Variants in UBE2K observed in about 807,000 individuals in gnomAD.
The protein encoded by UBE2K is ubiquitin-conjugating enzyme E2 K.
A neutral mutation model predicts 30.0 loss-of-function variants in UBE2K; 6 were observed. The observed-to-expected ratio is 0.20, with a 90% CI of 0.11 to 0.39. The LOEUF is 0.39. Ranked by LOEUF, UBE2K falls within the 10% of genes least tolerant of loss-of-function variation. The probability of loss-of-function intolerance (pLI) is 1.00; values close to 1 mark genes in which losing one functional copy is unlikely to be tolerated. For synonymous variants in UBE2K, 86 were observed against 83.7 expected (o/e 1.03, Z -0.15); for missense variants, 61 against 241.6 (o/e 0.25, Z 4.96).
rs1720916720 is a variant in UBE2K at position 39,745,020 on chromosome 4, A to G, written c.158-732A>G. On this transcript the variant is annotated intron_variant, in intron 2 of 6. Coordinates refer to ENST00000261427, the MANE Select transcript of UBE2K (RefSeq NM_005339.5). ...ATTTTGCTTAAAAAATAAAAAATAT[A>G]TTTAAAGTTTTTTATATTAAAATAG... Among the ~76,000 whole-genome samples, 3 of 151,858 alleles carry G rather than the reference A, an allele frequency of 2.0e-5. No individual in the cohort carries two copies. In the South Asian group the frequency reaches 6.2e-4, roughly 31 times the overall value.
chr4:39,724,002 G>A (rs1178239734), intron 1 of UBE2K, among the ~76,000 whole-genome samples: 2 of 151,752 alleles, frequency 1.3e-5, no homozygotes, highest in Non-Finnish European at 2.9e-5. Flanking sequence ...TAGTAGAGAT[G>A]GGATTTCACC....
At chr4:39,746,163 G>A (rs746190410) in intron 3 of UBE2K, among the ~76,000 whole-genome samples, 2 of 152,030 alleles carry the variant, frequency 1.3e-5, no homozygotes, top group African/African-American at 2.4e-5. Context: ...ATGTGTTTTA[G>A]GAGAGTACCT....
At chr4:39,718,521 C>T (rs909205174) in intron 1 of UBE2K, among the ~76,000 whole-genome samples, 2 of 152,248 alleles carry the variant, frequency 1.3e-5, no homozygotes, top group African/African-American at 4.8e-5. Context: ...CTGCACTCCT[C>T]AGCCCTTGGG....
intron 2 of UBE2K, among the ~76,000 whole-genome samples, chr4:39,744,147 G>A (rs1382152971): frequency 1.3e-5 from 2 of 152,120 alleles, no homozygotes; most frequent in Admixed American, 6.5e-5. Flanking sequence ...ACAGGCATGA[G>A]CCATTGCACG....
chr4:39,735,003 A>G (rs889557189), intron 1 of UBE2K, among the ~76,000 whole-genome samples: 1 of 152,158 alleles, frequency 6.6e-6, no homozygotes, highest in Non-Finnish European at 1.5e-5. Flanking sequence ...GGTTATTTAC[A>G]TACTACTTTT....
chr4:39,714,842 CT>C (rs1446966502), intron 1 of UBE2K, among the ~76,000 whole-genome samples: 3 of 151,358 alleles, frequency 2.0e-5, no homozygotes, highest in African/African-American at 7.3e-5. Flanking sequence ...AGCCACCGTG[CT>C]TGGCCCAGAA....
chr4:39,718,488 C>T (rs933156328), intron 1 of UBE2K, among the ~76,000 whole-genome samples: 6 of 152,246 alleles, frequency 3.9e-5, no homozygotes, highest in African/African-American at 1.4e-4. Flanking sequence ...GGTGGAGCTG[C>T]CCGCCAGTCC....
At chr4:39,749,885 C>T (rs1721166519) in intron 3 of UBE2K, among the ~76,000 whole-genome samples, 1 of 151,994 alleles carries the variant, frequency 6.6e-6, no homozygotes, top group African/African-American at 2.4e-5. Flanking sequence ...TGCTTTGAGA[C>T]CCTGTCTCAA....
chr4:39,744,407 C>T (rs1223195005), intron 2 of UBE2K, among the ~76,000 whole-genome samples: 6 of 141,424 alleles, frequency 4.2e-5, no homozygotes, highest in African/African-American at 1.6e-4. Context: ...CTCCTGACCT[C>T]GTGATCCACC....
intron 2 of UBE2K, 103 bp from the exon 3 acceptor site, chr4:39,745,649 A>T (rs533788456): frequency 6.9e-6 from 5 of 722,100 alleles, no homozygotes; most frequent in Middle Eastern, 7.7e-4. Context: ...ATGAATTTTT[A>T]TAATTGAATA....
At chr4:39,737,561 C>A in intron 2 of UBE2K, 48 bp downstream of exon 2, 1 of 1,191,320 alleles carries the variant, frequency 8.4e-7, no homozygotes, top group Non-Finnish European at 1.2e-6. Context: ...TAGAACTTGT[C>A]TGAAACATTT....
At chr4:39,770,196 A>G in intron 4 of UBE2K, 2 of 1,610,384 alleles carry the variant, frequency 1.2e-6, no homozygotes, top group Non-Finnish European at 1.7e-6. Flanking sequence ...GGCGAAGCGC[A>G]TGTCGCAGTA....
chr4:39,752,339 T>C (rs1461075989), intron 3 of UBE2K, among the ~76,000 whole-genome samples: 18 of 127,874 alleles, frequency 1.4e-4, no homozygotes, highest in African/African-American at 4.0e-4. Flanking sequence ...TTTTTTCTTT[T>C]TTTTTTTTTT....
intron 3 of UBE2K, among the ~76,000 whole-genome samples, chr4:39,751,876 A>G: frequency 6.6e-6 from 1 of 152,104 alleles, no homozygotes; most frequent in Non-Finnish European, 1.5e-5. Flanking sequence ...CTGAGGCGGG[A>G]GAGTCACTTC....
chr4:39,732,984 A>G lies in UBE2K; in HGVS notation c.64-4436A>G, dbSNP rs1395735655. On this transcript the variant is annotated intron_variant, in intron 1 of 6. Coordinates refer to ENST00000261427, the MANE Select transcript of UBE2K (RefSeq NM_005339.5). ...AAACATCCTGCCTGGCCTAGCTGCTATAGCTTTTATATATCTCTGTTCCTT... is the reference window on the plus strand; with the variant it reads ...AAACATCCTGCCTGGCCTAGCTGCTGTAGCTTTTATATATCTCTGTTCCTT... 2.0e-5 allele frequency among the ~76,000 whole-genome samples: 3 copies of G among 147,316 alleles called. No individual in the cohort carries two copies. The South Asian group carries it at 6.6e-4, about 32-fold the overall frequency.
At position 39,768,779 on chromosome 4, in the gene UBE2K, T is replaced by C. The variant is rs143651492; in HGVS notation, c.300-6055T>C. On this transcript the variant is annotated intron_variant, in intron 4 of 6. Transcript: ENST00000261427. ...CAGTGTGCGAGGGTTTCCTTTCCTT[T>C]ACATCATCACCAACACTTGTTCATT... Among the ~76,000 whole-genome samples, 238 of 152,318 alleles carry C rather than the reference T, an allele frequency of 1.6e-3. 1 individual carries two copies. Among genetic ancestry groups the C allele is most frequent in the African/African-American group, 5.5e-3 (228 of 41,582 alleles).
intron 1 of UBE2K, among the ~76,000 whole-genome samples, chr4:39,710,915 A>G (rs1434974087): frequency 1.3e-5 from 2 of 152,008 alleles, no homozygotes; most frequent in African/African-American, 4.8e-5. Context: ...AACTGCCTCT[A>G]CCCAAATACT....
rs899467207 is a variant in UBE2K, at chr4:39,781,190, T to C, written c.*2756T>C. On this transcript the variant is annotated 3_prime_UTR_variant, in exon 7 of 7. Coordinates refer to ENST00000261427, the MANE Select transcript of UBE2K (RefSeq NM_005339.5). ...AGGAACTAGGTACTGAATTAGGTGC[T>C]CTGAGTTGGCACCCCGAAATGTTTG... The C allele has an allele frequency of 1.3e-5, 2 of 152,148 alleles. No homozygotes were observed. The highest frequency in any genetic ancestry group is 2.9e-5 in the Non-Finnish European group (2 of 67,978). The allele number at this position is 152,148 out of a possible 1,614,324, so 9.4% of individuals were successfully genotyped here.
chr4:39,745,848 T>C, intron 3 of UBE2K, 38 bp downstream of exon 3: 1 of 1,445,754 alleles, frequency 6.9e-7, no homozygotes, highest in South Asian at 1.3e-5. Flanking sequence ...AGTTACAAAA[T>C]ATTTTATATT....
Sources: allele counts gnomAD v4.1 joint callset (sites outside exome capture counted in the v4.1 genomes callset), GRCh38; gene constraint gnomAD v4.1.1; transcripts MANE v1.5; gene names NCBI Gene and HGNC (gene_info 2026-07-23, HGNC 2026-07-21).